The following RBBP4 variants were observed in gnomAD, a reference collection of about 807,000 sequenced individuals.
RBBP4 encodes histone-binding protein RBBP4.
Under a neutral mutation model 57.2 loss-of-function variants are expected in RBBP4, and 3 were observed. The observed-to-expected ratio is 0.05, with a 90% CI of 0.02 to 0.14. RBBP4 has a LOEUF of 0.14. Ranked by LOEUF, RBBP4 falls within the 10% of genes least tolerant of loss-of-function variation. The pLI is 1.00. For missense variants in RBBP4, 107 were observed against 520.6 expected, an observed-to-expected ratio of 0.21 and a Z score of 7.73; for synonymous variants, 151 against 171.5, an observed-to-expected ratio of 0.88 and a Z score of 0.93.
intron 2 of RBBP4, among the ~76,000 whole-genome samples, chr1:32,654,519 C>A (rs1257726610): frequency 6.6e-6 from 1 of 152,198 alleles, no homozygotes; most frequent in East Asian, 1.9e-4. Flanking sequence ...ACTAAACATT[C>A]TAGAACCCCT....
chr1:32,670,630 T>C (rs1344630536), intron 8 of RBBP4, among the ~76,000 whole-genome samples: 1 of 152,028 alleles, frequency 6.6e-6, no homozygotes, highest in Non-Finnish European at 1.5e-5. Flanking sequence ...TGGAGTGCAA[T>C]GGTGCAATCT....
chr1:32,679,521 T>A, intron 11 of RBBP4, 119 bp from the exon 12 acceptor site: 1 of 823,030 alleles, frequency 1.2e-6, no homozygotes, highest in African/African-American at 1.8e-5. Context: ...TAACACAGAT[T>A]GTGTGGCCCA....
intron 11 of RBBP4, among the ~76,000 whole-genome samples, chr1:32,674,659 G>T (rs1462073714): frequency 6.6e-6 from 1 of 151,762 alleles, no homozygotes; most frequent in Admixed American, 6.6e-5. Flanking sequence ...AATAGTTTTT[G>T]ACTCATCATG....
chr1:32,659,611 GGATGTATTGT>G (rs1648313961), intron 3 of RBBP4, among the ~76,000 whole-genome samples: 1 of 151,782 alleles, frequency 6.6e-6, no homozygotes, highest in Non-Finnish European at 1.5e-5. Flanking sequence ...TCACTTAAAT[GGATGTATTGT>G]GATGTATTGT....
chr1:32,679,302 G>C (rs1442173564), intron 11 of RBBP4, among the ~76,000 whole-genome samples: 1 of 152,114 alleles, frequency 6.6e-6, no homozygotes, highest in Admixed American at 6.6e-5. Context: ...ATCTCAAAAG[G>C]AAAGAAAAAT....
intron 3 of RBBP4, among the ~76,000 whole-genome samples, chr1:32,664,947 C>A (rs1395403265): frequency 6.6e-6 from 1 of 152,010 alleles, no homozygotes; most frequent in Non-Finnish European, 1.5e-5. Flanking sequence ...AATGTACATA[C>A]CTTAATTTGA....
chr1:32,657,749 C>A, intron 3 of RBBP4, 177 bp downstream of exon 3: 1 of 669,526 alleles, frequency 1.5e-6, no homozygotes, highest in Non-Finnish European at 2.3e-6. Flanking sequence ...AAATACTTAA[C>A]ACATCCTTGG....
At chr1:32,665,288 C>T (rs1289467198) in intron 3 of RBBP4, among the ~76,000 whole-genome samples, 1 of 152,096 alleles carries the variant, frequency 6.6e-6, no homozygotes. Context: ...AAACATTTTG[C>T]TTTTCAAAAG....
chr1:32,666,587 C>T (rs786457), intron 3 of RBBP4, among the ~76,000 whole-genome samples: 95,504 of 151,806 alleles, frequency 0.63, 33,932 homozygotes, highest in Non-Finnish European at 0.79. Flanking sequence ...GAACTCCTGA[C>T]CTCAGGTGAT....
At chr1:32,662,040 C>G (rs962458273) in intron 3 of RBBP4, among the ~76,000 whole-genome samples, 2 of 151,294 alleles carry the variant, frequency 1.3e-5, no homozygotes, top group African/African-American at 4.9e-5. Context: ...TCTGTGCCAC[C>G]ACACCCAGCT....
At chr1:32,677,830 T>C (rs1305944610) in intron 11 of RBBP4, among the ~76,000 whole-genome samples, 12 of 152,192 alleles carry the variant, frequency 7.9e-5, no homozygotes, top group Admixed American at 2.6e-4. Flanking sequence ...ACAAGCTCTT[T>C]GAAGGTAAGA....
rs968146844 is a variant in RBBP4 at position 32,668,083 on chromosome 1, G to T, written c.311-142G>T. 1.6e-5 allele frequency: 12 copies of T among 727,520 alleles called. No individual in the cohort carries two copies. In the African/African-American group the frequency reaches 2.2e-4, roughly 13 times the overall value. 45.1% of individuals were successfully genotyped at this position (727,520 alleles called of 1,614,324 possible). ...CACGGGGGTAGGAAAGCACTTTATA[G>T]TGCTAGCAAATGTATAGATTACATC... is the stretch of plus-strand genomic sequence containing the variant. On this transcript the variant is annotated intron_variant, in intron 3 of 11. Transcript: ENST00000373493.
intron 2 of RBBP4, among the ~76,000 whole-genome samples, chr1:32,656,598 C>T (rs554800797): frequency 2.6e-5 from 4 of 152,302 alleles, no homozygotes; most frequent in African/African-American, 7.2e-5. Context: ...TTAATCCACC[C>T]TCTTCGGCCT....
chr1:32,667,901 C>A (rs549939014), intron 3 of RBBP4, among the ~76,000 whole-genome samples: 2 of 151,924 alleles, frequency 1.3e-5, no homozygotes, highest in Non-Finnish European at 2.9e-5. Context: ...CTATATTGTT[C>A]GGGGATAATG....
At chr1:32,667,699 C>T (rs1648713120) in intron 3 of RBBP4, among the ~76,000 whole-genome samples, 1 of 152,190 alleles carries the variant, frequency 6.6e-6, no homozygotes, top group Non-Finnish European at 1.5e-5. Flanking sequence ...TAATATAATA[C>T]AGCCATCCCT....
At chr1:32,664,879 G>A (rs1006411776) in intron 3 of RBBP4, among the ~76,000 whole-genome samples, 3 of 152,006 alleles carry the variant, frequency 2.0e-5, no homozygotes, top group African/African-American at 7.2e-5. Flanking sequence ...CAAATTTTTT[G>A]TATGTTTACA....
At chr1:32,661,863 T>A (rs1239422731) in intron 3 of RBBP4, among the ~76,000 whole-genome samples, 2 of 145,630 alleles carry the variant, frequency 1.4e-5, no homozygotes, top group Non-Finnish European at 3.0e-5. Context: ...TTCATGTCCT[T>A]TGCCCACTTT....
At chr1:32,676,174 C>G (rs1015643821) in intron 11 of RBBP4, among the ~76,000 whole-genome samples, 7 of 152,026 alleles carry the variant, frequency 4.6e-5, no homozygotes, top group African/African-American at 1.7e-4. Flanking sequence ...GACCCTGTCT[C>G]TAAAGGAAGA....
chr1:32,681,934 G>T lies in RBBP4; in HGVS notation c.*2229G>T. 1.5e-6 allele frequency: 2 copies of T among 1,335,066 alleles called. No individual in the cohort carries two copies. Among genetic ancestry groups the T allele is most frequent in the Non-Finnish European group, 2.2e-6 (2 of 928,964 alleles). The allele number at this position is 1,335,066 out of a possible 1,614,324, so 82.7% of individuals were successfully genotyped here. A position where few individuals can be genotyped will look rare whatever the true frequency, so the allele number is the denominator to read the frequency against. On this transcript the variant is annotated 3_prime_UTR_variant, in exon 12 of 12. Transcript: ENST00000373493. ...GTTACTGCAGGCTTTGTTGAGAAGA[G>T]ATTGTTACAGTGTGATTTATGGATG...
Sources: gnomAD v4.1 joint callset for allele counts (sites outside exome capture counted in the v4.1 genomes callset) on GRCh38, gnomAD v4.1.1 for gene constraint, MANE v1.5 for transcripts, NCBI Gene and HGNC (gene_info 2026-07-23, HGNC 2026-07-21) for gene names.